PON2: variants seen among roughly 807,000 people sequenced by gnomAD.
PON2 encodes serum paraoxonase/arylesterase 2.
A neutral mutation model predicts 36.6 loss-of-function variants in PON2; 27 were observed. The observed-to-expected ratio is 0.74, with a 90% CI of 0.54 to 1.02. The LOEUF (loss-of-function observed/expected upper bound fraction) is 1.02. PON2 is among the 50% of genes least tolerant of loss of function. The pLI is 0.00. For missense variants in PON2, 363 were observed against 421.1 expected, an observed-to-expected ratio of 0.86 and a Z score of 1.21; for synonymous variants, 149 against 156.3, an observed-to-expected ratio of 0.95 and a Z score of 0.35.
At chr7:95,423,350 T>TA (rs1240134992) in intron 2 of PON2, among the ~76,000 whole-genome samples, 1 of 150,754 alleles carries the variant, frequency 6.6e-6, no homozygotes, top group Non-Finnish European at 1.5e-5. Context: ...AATTAAAATT[T>TA]AAAAAAAAGG....
intron 2 of PON2, among the ~76,000 whole-genome samples, chr7:95,423,941 C>T (rs1280572717): frequency 6.6e-6 from 1 of 152,132 alleles, no homozygotes; most frequent in Non-Finnish European, 1.5e-5. Flanking sequence ...CATGAGAACT[C>T]ACTCACTATC....
At chr7:95,405,866 C>CA (rs905878918) in intron 8 of PON2, among the ~76,000 whole-genome samples, 4 of 152,182 alleles carry the variant, frequency 2.6e-5, no homozygotes, top group Non-Finnish European at 2.9e-5. Flanking sequence ...AAGAAGGGCA[C>CA]ATGTCTTTAT....
intron 8 of PON2, 76 bp downstream of exon 8, chr7:95,406,043 C>G (rs1809678039): frequency 6.7e-7 from 1 of 1,492,290 alleles, no homozygotes; most frequent in Non-Finnish European, 9.3e-7. Context: ...AACAAATCAT[C>G]CCTGTGACAA....
chr7:95,425,673 G>T (rs929853413), intron 1 of PON2, among the ~76,000 whole-genome samples: 1 of 152,076 alleles, frequency 6.6e-6, no homozygotes, highest in South Asian at 2.1e-4. Flanking sequence ...TGGAGTATGG[G>T]GCAGGCTACC....
At chr7:95,413,560 C>G (rs1039067526) in intron 3 of PON2, among the ~76,000 whole-genome samples, 1 of 152,112 alleles carries the variant, frequency 6.6e-6, no homozygotes, top group Non-Finnish European at 1.5e-5. Context: ...CTTTTTGGTA[C>G]TCACTGAGAT....
At chr7:95,417,142 T>G (rs1460678399) in intron 2 of PON2, among the ~76,000 whole-genome samples, 4 of 152,210 alleles carry the variant, frequency 2.6e-5, no homozygotes, top group Non-Finnish European at 4.4e-5. Context: ...AATCTTCCTC[T>G]TTAAGACTTC....
chr7:95,408,629 G>A (rs1232469057), intron 6 of PON2, among the ~76,000 whole-genome samples: 3 of 152,152 alleles, frequency 2.0e-5, no homozygotes, highest in Non-Finnish European at 4.4e-5. Context: ...TTTTTCTATA[G>A]TCAACAAGAA....
intron 2 of PON2, among the ~76,000 whole-genome samples, chr7:95,420,352 T>C (rs1789163993): frequency 6.6e-6 from 1 of 152,208 alleles, no homozygotes; most frequent in African/African-American, 2.4e-5. Context: ...AAAATCAGAT[T>C]TTTTAACTTT....
intron 1 of PON2, among the ~76,000 whole-genome samples, chr7:95,427,899 G>C (rs1442235032): frequency 6.6e-6 from 1 of 152,160 alleles, no homozygotes; most frequent in Non-Finnish European, 1.5e-5. Context: ...AAGTATTCAT[G>C]TAAAAAATAC....
At chr7:95,410,207 G>T in intron 5 of PON2, 106 bp from the exon 6 acceptor site, 2 of 974,902 alleles carry the variant, frequency 2.1e-6, no homozygotes, top group Non-Finnish European at 3.1e-6. Context: ...TAAATTTTTG[G>T]TAAGAGGAAA....
chr7:95,415,459 G>A (rs997443314), intron 3 of PON2, among the ~76,000 whole-genome samples: 1 of 152,090 alleles, frequency 6.6e-6, no homozygotes, highest in Admixed American at 6.5e-5. Flanking sequence ...ACTTATGATT[G>A]GCTATTCAGG....
rs879301226 is a variant in PON2, at chr7:95,424,239, G to A, written c.145+276C>T. ...GCCATACCTGACAAACAATACAGAC[G>A]CAACAAAAATAGTTCAGAGAAGTCA... On this transcript the variant is annotated intron_variant, in intron 2 of 8. Transcript: ENST00000222572. The A allele has an allele frequency of 4.6e-5, 21 of 459,358 alleles. No homozygotes were observed. The Admixed American group carries it at 6.6e-4, about 14-fold the overall frequency. The allele number at this position is 459,358 out of a possible 1,614,324, so 28.5% of individuals were successfully genotyped here.
chr7:95,410,372 G>C (rs1254289078), intron 5 of PON2, among the ~76,000 whole-genome samples: 1 of 152,158 alleles, frequency 6.6e-6, no homozygotes, highest in African/African-American at 2.4e-5. Flanking sequence ...GTGCCATCAG[G>C]GCATGTTTTT....
In PON2 at chr7:95,407,005, C is replaced by A. The variant is rs2116450128; in HGVS notation, c.759G>T (p.Met253Ile). 1 of 1,564,206 alleles carries A rather than the reference C, an allele frequency of 6.4e-7. No individual in the cohort carries two copies. Among genetic ancestry groups the A allele is most frequent in the South Asian group, 1.1e-5 (1 of 89,608 alleles). The change falls in exon 7 of 9, where the codon ATG becomes ATT. Residue 253 changes from methionine (M) to isoleucine (I), a missense_variant. Coordinates refer to ENST00000222572, the MANE Select transcript of PON2 (RefSeq NM_000305.3). ...EIHVLEKHTN[M>I]NLTQLKVLEL... is the part of the protein sequence containing the mutation. ...ATTTTACCTTCAACTGAGTTAAATT[C>A]ATATTAGTGTGTTTTTCCAAAACAT...
chr7:95,434,250 T>C (rs577913615), intron 1 of PON2: 52 of 152,352 alleles, frequency 3.4e-4, no homozygotes, highest in African/African-American at 1.2e-3. Context: ...AACGATGATG[T>C]CTACCTACCA....
At chr7:95,406,666 T>TA (rs757774227) in intron 7 of PON2, among the ~76,000 whole-genome samples, 1 of 152,222 alleles carries the variant, frequency 6.6e-6, no homozygotes, top group African/African-American at 2.4e-5. Flanking sequence ...ACACTGTGCA[T>TA]AAACCTTCAT....
intron 1 of PON2, among the ~76,000 whole-genome samples, chr7:95,433,310 G>C (rs762647410): frequency 2.6e-5 from 4 of 151,638 alleles, no homozygotes; most frequent in Non-Finnish European, 5.9e-5. Flanking sequence ...ATGTTGCCCA[G>C]GCCTGTCACT....
chr7:95,433,560 C>T (rs1358538239), intron 1 of PON2, among the ~76,000 whole-genome samples: 2 of 152,148 alleles, frequency 1.3e-5, no homozygotes. Context: ...AAAGCAAAAC[C>T]CACCAATATT....
intron 1 of PON2, among the ~76,000 whole-genome samples, chr7:95,426,267 G>C (rs1372035316): frequency 6.6e-6 from 1 of 151,806 alleles, no homozygotes; most frequent in Non-Finnish European, 1.5e-5. Flanking sequence ...ATAAAACAGA[G>C]AGAGAAAAAA....
Sources: gnomAD v4.1 joint callset for allele counts (sites outside exome capture counted in the v4.1 genomes callset) on GRCh38, gnomAD v4.1.1 for gene constraint, MANE v1.5 for transcripts, NCBI Gene and HGNC (gene_info 2026-07-23, HGNC 2026-07-21) for gene names.